Variants in ASIC2 observed in about 807,000 individuals in gnomAD.
ASIC2 encodes the protein acid-sensing ion channel 2.
In ASIC2, 25 loss-of-function variants were observed where a neutral mutation model predicts 57.3. The ratio of observed to expected loss-of-function variants is 0.44; its 90% CI spans 0.32 to 0.61. ASIC2 has a LOEUF of 0.61. ASIC2 is among the 20% of genes least tolerant of loss of function. The probability of loss-of-function intolerance (pLI) is 0.06; values close to 1 mark genes in which losing one functional copy is unlikely to be tolerated. For missense variants in ASIC2, 641 were observed against 738.1 expected, an observed-to-expected ratio of 0.87 and a Z score of 1.52; for synonymous variants, 319 against 307.5, an observed-to-expected ratio of 1.04 and a Z score of -0.39.
Position 33,292,474 on chromosome 17 carries a change from G to T in ASIC2, c.-359C>A. On this transcript the variant is annotated 5_prime_UTR_variant, in exon 1 of 10. Transcript: ENST00000225823. ...CGCCTCTCCAGTCCCTGGGTGCTGC[G>T]CCCGCCTTCCCTCGTCCTGGACCTC... 1 of 985,646 alleles carries T rather than the reference G, an allele frequency of 1.0e-6. No homozygotes were observed. Among genetic ancestry groups the T allele is most frequent in the Non-Finnish European group, 1.2e-6 (1 of 830,204 alleles). The allele number at this position is 985,646 out of a possible 1,614,324, so 61.1% of individuals were successfully genotyped here. A position where few individuals can be genotyped will look rare whatever the true frequency, so the allele number is the denominator to read the frequency against.
chr17:33,330,118 G>A (rs1265073422), intron 1 of ASIC2, among the ~76,000 whole-genome samples: 1 of 152,182 alleles, frequency 6.6e-6, no homozygotes, highest in Non-Finnish European at 1.5e-5. Context: ...GGTAGTGATG[G>A]TGGGATCAGA....
At chr17:34,085,646 T>C (rs1369878465) in intron 1 of ASIC2, among the ~76,000 whole-genome samples, 4 of 152,102 alleles carry the variant, frequency 2.6e-5, no homozygotes, top group African/African-American at 4.8e-5. Flanking sequence ...TGGTAGAATT[T>C]GGCTGTGAAT....
chr17:33,084,763 G>T (rs1331510828), intron 3 of ASIC2, among the ~76,000 whole-genome samples: 1 of 152,224 alleles, frequency 6.6e-6, no homozygotes, highest in East Asian at 1.9e-4. Flanking sequence ...TTATCCCGCT[G>T]CCTGTCTCTG....
At position 33,453,128 on chromosome 17, in the gene ASIC2, C is replaced by T. The variant is rs1457034673; in HGVS notation, c.556-341061G>A. ...TATCACATGGTCTTCCCTTCCTCCTCTGCAATTCTCACAGTATGTGTACAT... is the reference window on the plus strand; with the variant it reads ...TATCACATGGTCTTCCCTTCCTCCTTTGCAATTCTCACAGTATGTGTACAT... On this transcript the variant is annotated intron_variant, in intron 1 of 9. Coordinates refer to the ASIC2 transcript ENST00000359872. Among the ~76,000 whole-genome samples, 5 of 152,210 alleles carry T rather than the reference C, an allele frequency of 3.3e-5. No homozygotes were observed. The East Asian group carries it at 5.8e-4, about 18-fold the overall frequency.
At chr17:33,662,738 T>TTCCC (rs1227054264) in intron 1 of ASIC2, among the ~76,000 whole-genome samples, 12 of 60,754 alleles carry the variant, frequency 2.0e-4, no homozygotes, top group Non-Finnish European at 4.1e-4. Context: ...CCCTCCCTCC[T>TTCCC]TCCCTCCCTT....
At chr17:33,622,679 T>C (rs113766635) in intron 1 of ASIC2, among the ~76,000 whole-genome samples, 13,615 of 152,256 alleles carry the variant, frequency 0.089, 641 homozygotes, top group African/African-American at 0.12. Context: ...TGTTATAGGA[T>C]AGTTCTAAGA....
intron 1 of ASIC2, among the ~76,000 whole-genome samples, chr17:33,181,648 C>G (rs1030272455): frequency 6.6e-6 from 1 of 152,122 alleles, no homozygotes; most frequent in African/African-American, 2.4e-5. Flanking sequence ...TTAGGGACAC[C>G]AGTCATTGGA....
chr17:33,301,644 G>A (rs8072077), intron 1 of ASIC2, among the ~76,000 whole-genome samples: 92,336 of 151,962 alleles, frequency 0.61, 28,156 homozygotes, highest in East Asian at 0.77. Flanking sequence ...TTTAGTGGGG[G>A]ACATGAGAAA....
At chr17:33,319,216 C>T (rs1027093990) in intron 1 of ASIC2, among the ~76,000 whole-genome samples, 86 of 151,172 alleles carry the variant, frequency 5.7e-4, no homozygotes, top group Non-Finnish European at 3.5e-4. Flanking sequence ...GGTCACAGAG[C>T]GAGACTCCGT....
chr17:34,021,732 A>G lies in ASIC2; in HGVS notation c.555+134246T>C, dbSNP rs151234983. Among the ~76,000 whole-genome samples the G allele has an allele frequency of 2.4e-3, 362 of 152,280 alleles. 2 individuals carry two copies. The highest frequency in any genetic ancestry group is 8.2e-3 in the African/African-American group (342 of 41,558). On this transcript the variant is annotated intron_variant, in intron 1 of 9. Coordinates refer to the ASIC2 transcript ENST00000359872. Reference sequence around the variant, plus strand: ...TCACAGTGTTAGGTCACATAGGGACATCTTAAAAATACTGATGCCCAGACC... The same window carrying G: ...TCACAGTGTTAGGTCACATAGGGACGTCTTAAAAATACTGATGCCCAGACC...
At chr17:33,641,442 G>A (rs1399734238) in intron 1 of ASIC2, among the ~76,000 whole-genome samples, 1 of 152,142 alleles carries the variant, frequency 6.6e-6, no homozygotes, top group Non-Finnish European at 1.5e-5. Context: ...CTCATGCATG[G>A]TGGTGCCCAA....
At chr17:33,950,101 C>G (rs752461672) in intron 1 of ASIC2, among the ~76,000 whole-genome samples, 1 of 152,220 alleles carries the variant, frequency 6.6e-6, no homozygotes, top group Non-Finnish European at 1.5e-5. Flanking sequence ...GAGGTTGAAC[C>G]ATAGTCAGAA....
intron 1 of ASIC2, among the ~76,000 whole-genome samples, chr17:33,182,195 G>T (rs1314920271): frequency 1.3e-5 from 2 of 152,080 alleles, no homozygotes; most frequent in East Asian, 1.9e-4. Context: ...GAGGAGAAGT[G>T]GTCAGTGAAC....
At chr17:33,630,329 T>C (rs879401849) in intron 1 of ASIC2, among the ~76,000 whole-genome samples, 3 of 152,182 alleles carry the variant, frequency 2.0e-5, no homozygotes, top group African/African-American at 7.2e-5. Context: ...TGGTTCCTTT[T>C]CTCTGAGTGC....
At chr17:33,871,359 C>T (rs980780328) in intron 1 of ASIC2, among the ~76,000 whole-genome samples, 1 of 152,178 alleles carries the variant, frequency 6.6e-6, no homozygotes, top group Non-Finnish European at 1.5e-5. Flanking sequence ...ACACATAAAG[C>T]TAACTACCTG....
intron 1 of ASIC2, among the ~76,000 whole-genome samples, chr17:33,503,004 T>C (rs900654929): frequency 6.6e-6 from 1 of 152,166 alleles, no homozygotes; most frequent in African/African-American, 2.4e-5. Context: ...GGAAGCAAAA[T>C]TGATAATACC....
intron 1 of ASIC2, among the ~76,000 whole-genome samples, chr17:33,848,545 C>T (rs917491252): frequency 6.6e-6 from 1 of 152,318 alleles, no homozygotes; most frequent in South Asian, 2.1e-4. Context: ...CCCTTAGGGA[C>T]TCATACTAAT....
intron 1 of ASIC2, among the ~76,000 whole-genome samples, chr17:33,865,768 A>G (rs1475094067): frequency 1.2e-5 from 1 of 80,034 alleles, no homozygotes. Context: ...ATAAAAAAAA[A>G]AAACAAAAAA....
chr17:33,168,727 A>G lies in ASIC2; in HGVS notation c.709-56660T>C, dbSNP rs189432531. Among the ~76,000 whole-genome samples, 588 of 152,322 alleles carry G rather than the reference A, an allele frequency of 3.9e-3. 8 individuals are homozygous for G. The highest frequency in any genetic ancestry group is 0.011 in the African/African-American group (475 of 41,552). On this transcript the variant is annotated intron_variant, in intron 1 of 9. Coordinates refer to ENST00000225823, the MANE Select transcript of ASIC2 (RefSeq NM_183377.2). Reference sequence around the variant, plus strand: ...TCAGGCTGCTGTGTGGCTACTTTTAACCACAAATAGTAAGACAAAATAGGA... The same window carrying G: ...TCAGGCTGCTGTGTGGCTACTTTTAGCCACAAATAGTAAGACAAAATAGGA...
Sources: allele counts gnomAD v4.1 joint callset (sites outside exome capture counted in the v4.1 genomes callset), GRCh38; gene constraint gnomAD v4.1.1; transcripts MANE v1.5; gene names NCBI Gene and HGNC (gene_info 2026-07-23, HGNC 2026-07-21).